Variants in KIAA1328 observed in about 807,000 individuals in gnomAD.
KIAA1328 encodes protein hinderin.
A neutral mutation model predicts 68.1 loss-of-function variants in KIAA1328; 52 were observed. The observed-to-expected ratio is 0.76, with a 90% CI of 0.61 to 0.96. The LOEUF (loss-of-function observed/expected upper bound fraction) is 0.96, where lower values mean the gene tolerates loss of function less well. KIAA1328 is among the 40% of genes least tolerant of loss of function. KIAA1328 has a pLI of 0.00. For missense variants in KIAA1328, 641 were observed against 677.6 expected, an observed-to-expected ratio of 0.95 and a Z score of 0.60; for synonymous variants, 232 against 239.4, an observed-to-expected ratio of 0.97 and a Z score of 0.28.
intron 9 of KIAA1328, among the ~76,000 whole-genome samples, chr18:37,213,088 G>A (rs181452377): frequency 6.6e-6 from 1 of 151,966 alleles, no homozygotes; most frequent in Non-Finnish European, 1.5e-5. Context: ...ACAACTTTAG[G>A]TGATATAATT....
intron 5 of KIAA1328, among the ~76,000 whole-genome samples, chr18:36,912,673 G>T (rs1412984521): frequency 6.6e-5 from 10 of 152,130 alleles, no homozygotes; most frequent in Admixed American, 6.6e-4. Context: ...CATTCCCAAA[G>T]TCTAATGCTG....
intron 5 of KIAA1328, among the ~76,000 whole-genome samples, chr18:36,951,563 A>G (rs1424091008): frequency 6.6e-6 from 1 of 152,100 alleles, no homozygotes; most frequent in Non-Finnish European, 1.5e-5. Flanking sequence ...TAACTCCCAA[A>G]TGTCTATTTC....
chr18:37,231,782 C>G (rs2060664948), downstream of KIAA1328: 1 of 152,732 alleles, frequency 6.5e-6, no homozygotes, highest in Non-Finnish European at 1.5e-5. Context: ...AGCTGTAAGA[C>G]TGTGGTGTTT....
intron 6 of KIAA1328, among the ~76,000 whole-genome samples, chr18:37,060,224 G>T (rs2056094816): frequency 1.3e-5 from 2 of 152,000 alleles, no homozygotes; most frequent in Non-Finnish European, 1.5e-5. Context: ...GGCATTCAAT[G>T]GTCAGTGAAG....
intron 7 of KIAA1328, among the ~76,000 whole-genome samples, chr18:37,076,751 C>G (rs1162936572): frequency 1.3e-5 from 2 of 151,910 alleles, no homozygotes; most frequent in East Asian, 1.9e-4. Flanking sequence ...GGATAAATTC[C>G]TCGACACATA....
chr18:36,860,384 C>T (rs955007634), intron 4 of KIAA1328, among the ~76,000 whole-genome samples: 7 of 151,992 alleles, frequency 4.6e-5, no homozygotes, highest in Non-Finnish European at 8.8e-5. Context: ...TTTGAGACTT[C>T]TCTTAGATTT....
chr18:37,187,064 T>G (rs1188724984), intron 9 of KIAA1328, among the ~76,000 whole-genome samples: 1 of 152,094 alleles, frequency 6.6e-6, no homozygotes, highest in Non-Finnish European at 1.5e-5. Context: ...CTCAGGAGGC[T>G]GAGGCAGGAG....
In KIAA1328 at chr18:37,067,228, C is replaced by T; in HGVS notation, c.915C>T (p.Cys305=). The T allele has an allele frequency of 1.9e-6, 3 of 1,614,032 alleles. No homozygotes were observed. The South Asian group carries it at 3.3e-5, about 18-fold the overall frequency. Residue 305 remains cysteine, a synonymous_variant, in exon 7 of 10, where the codon TGC becomes TGT. Coordinates refer to ENST00000280020, the MANE Select transcript of KIAA1328 (RefSeq NM_020776.3). The part of the protein sequence containing the change: ...CPHLKPTPSQ[C]CGHRLAADRV... ...ATCTTAAGCCTACTCCTAGTCAATG[C>T]TGTGGTCATAGACTTGCTGCAGATC...
chr18:36,880,729 C>A (rs974320724), intron 4 of KIAA1328, among the ~76,000 whole-genome samples: 2 of 151,442 alleles, frequency 1.3e-5, no homozygotes, highest in Non-Finnish European at 2.9e-5. Flanking sequence ...AAAAAAGATT[C>A]TTTTTATTAG....
intron 9 of KIAA1328, chr18:37,193,684 A>C (rs1400169039): frequency 1.4e-6 from 1 of 701,724 alleles, no homozygotes; most frequent in Non-Finnish European, 2.6e-6. Flanking sequence ...TTATGGAAGG[A>C]ACCTATTAAG....
intron 7 of KIAA1328, among the ~76,000 whole-genome samples, chr18:37,101,186 A>G (rs2057602791): frequency 6.6e-6 from 1 of 152,236 alleles, no homozygotes; most frequent in Admixed American, 6.5e-5. Context: ...TGATGAGTTG[A>G]GAGAAGAAGG....
chr18:36,915,219 G>A (rs1303534028), intron 5 of KIAA1328, among the ~76,000 whole-genome samples: 1 of 152,206 alleles, frequency 6.6e-6, no homozygotes, highest in African/African-American at 2.4e-5. Flanking sequence ...TGAGATTCCA[G>A]AACTGGACCC....
At chr18:36,881,847 AT>A (rs1309122816) in intron 4 of KIAA1328, among the ~76,000 whole-genome samples, 1 of 152,318 alleles carries the variant, frequency 6.6e-6, no homozygotes, top group East Asian at 1.9e-4. Context: ...TTGGTTATCT[AT>A]TCATCCATTG....
intron 4 of KIAA1328, among the ~76,000 whole-genome samples, chr18:36,845,942 G>GTACAA (rs1049897458): frequency 1.3e-4 from 19 of 151,652 alleles, no homozygotes; most frequent in African/African-American, 4.6e-4. Context: ...CAGTGTGTTA[G>GTACAA]TACAATGTCA....
At chr18:36,979,190 A>C (rs2052586797) in intron 6 of KIAA1328, among the ~76,000 whole-genome samples, 2 of 102,228 alleles carry the variant, frequency 2.0e-5, no homozygotes. Context: ...ATTTAAAAAT[A>C]AAATGAATAA....
chr18:36,987,485 TAA>T (rs536681918), intron 6 of KIAA1328, among the ~76,000 whole-genome samples: 1 of 105,314 alleles, frequency 9.5e-6, no homozygotes, highest in Non-Finnish European at 2.1e-5. Flanking sequence ...TAGAGTATAA[TAA>T]AAAAAAATAA....
chr18:36,868,930 TG>T (rs959671060), intron 4 of KIAA1328, among the ~76,000 whole-genome samples: 14 of 152,272 alleles, frequency 9.2e-5, no homozygotes, highest in Admixed American at 8.5e-4. Context: ...ATATTTATTC[TG>T]GTCTTTATTT....
At chr18:36,988,834 G>C (rs1332046802) in intron 6 of KIAA1328, among the ~76,000 whole-genome samples, 1 of 151,404 alleles carries the variant, frequency 6.6e-6, no homozygotes. Flanking sequence ...ACAACTTACT[G>C]TTACCTTGGG....
chr18:36,865,791 C>T lies in KIAA1328; in HGVS notation c.333-19766C>T, dbSNP rs1277744789. 2.6e-5 allele frequency among the ~76,000 whole-genome samples: 4 copies of T among 152,210 alleles called. No homozygotes were observed. In the East Asian group the frequency reaches 7.7e-4, roughly 29 times the overall value. ...TCCTTATGCCTCTCTGGTTCTGACT[C>T]TTCATGTTGGACCATCCTCTCACTT... On this transcript the variant is annotated intron_variant, in intron 4 of 9. Coordinates refer to ENST00000280020, the MANE Select transcript of KIAA1328 (RefSeq NM_020776.3).
Sources: allele counts gnomAD v4.1 joint callset (sites outside exome capture counted in the v4.1 genomes callset), GRCh38; gene constraint gnomAD v4.1.1; transcripts MANE v1.5; gene names NCBI Gene and HGNC (gene_info 2026-07-23, HGNC 2026-07-21).